The following RARS1 variants were observed in gnomAD, a reference collection of about 807,000 sequenced individuals.
RARS1 encodes the protein arginyl-tRNA synthetase 1, also known as arginine--tRNA ligase, cytoplasmic.
A neutral mutation model predicts 78.7 loss-of-function variants in RARS1; 75 were observed. The ratio of observed to expected loss-of-function variants is 0.95; its 90% confidence interval spans 0.79 to 1.15. The LOEUF is 1.15. Among genes scored for constraint, RARS1 ranks in the 50% most tolerant of loss-of-function variants. The pLI is 0.00. For synonymous variants in RARS1, 273 were observed against 268.2 expected (o/e 1.02, Z -0.18); for missense variants, 787 against 787.5 (o/e 1.00, Z 0.01).
At chr5:168,491,613 T>TTGAATCTGGCC (rs1383000282) in intron 2 of RARS1, among the ~76,000 whole-genome samples, 1 of 152,346 alleles carries the variant, frequency 6.6e-6, no homozygotes, top group East Asian at 1.9e-4. Context: ...AGACCTGAGT[T>TTGAATCTGGCC]TGAATCTGGC....
chr5:168,511,048 G>A (rs1758554311), intron 12 of RARS1, among the ~76,000 whole-genome samples: 1 of 152,156 alleles, frequency 6.6e-6, no homozygotes, highest in Non-Finnish European at 1.5e-5. Context: ...AGCATTTGTA[G>A]AGTGGTCATA....
chr5:168,495,184 G>C, intron 5 of RARS1, 131 bp from the exon 6 acceptor site: 3 of 1,400,724 alleles, frequency 2.1e-6, no homozygotes, highest in Non-Finnish European at 2.8e-6. Flanking sequence ...TAATGTTTAA[G>C]TCTGAGTTTG....
In RARS1 at chr5:168,486,537, G is replaced by A. The variant is rs1336952127; in HGVS notation, c.39G>A (p.Leu13=). 6.4e-7 allele frequency: 1 copy of A among 1,557,800 alleles called. No individual in the cohort carries two copies. Among genetic ancestry groups the A allele is most frequent in the African/African-American group, 1.4e-5 (1 of 73,946 alleles). Residue 13 remains leucine (L), a synonymous_variant, in exon 1 of 15, where the codon CTG becomes CTA. Transcript: ENST00000231572. ...TGTCTGAGTGCTCCGCGCGGCTGCT[G>A]CAGCAGGTTTGGACGCAGGAGACCG... ...VLVSECSARL[L]QQEEEIKSLT... is the part of the protein sequence containing the mutation.
intron 11 of RARS1, 112 bp downstream of exon 11, chr5:168,506,943 A>G (rs1758461076): frequency 1.2e-6 from 1 of 851,172 alleles, no homozygotes; most frequent in Non-Finnish European, 1.9e-6. Flanking sequence ...TAGTCCACAT[A>G]AGCTATAATG....
In RARS1 at chr5:168,500,627, A is replaced by G. The variant is rs1358042621; in HGVS notation, c.859A>G (p.Lys287Glu). 6.3e-7 allele frequency: 1 copy of G among 1,598,430 alleles called. No individual in the cohort carries two copies. Among genetic ancestry groups the G allele is most frequent in the Middle Eastern group, 1.7e-4 (1 of 5,974 alleles). ...GAGGTTTGATACTGAGGAGGAATTTAAGAAGCGAGCATATCAGTGTGTAGT... is the reference window on the plus strand; with the variant it reads ...GAGGTTTGATACTGAGGAGGAATTTGAGAAGCGAGCATATCAGTGTGTAGT... The part of the protein sequence containing the change: ...KKRFDTEEEF[K>E]KRAYQCVVLL... Residue 287 changes from lysine to glutamate, a missense_variant, in exon 8 of 15, where the codon AAG becomes GAG. Coordinates refer to ENST00000231572, the MANE Select transcript of RARS1 (RefSeq NM_002887.4).
chr5:168,518,069 G>GTTTTTTTT lies in RARS1; in HGVS notation c.1873+8_1873+9insTTTTTTTT, dbSNP rs772589730. ...GAGAAAGATAGACAGACTGGTGAGTGTCTTTTTTTTTTTTTTTTTTTTTTT... is the reference window on the plus strand; with the variant it reads ...GAGAAAGATAGACAGACTGGTGAGTGTTTTTTTTTCTTTTTTTTTTTTTTTTTTTTTTT... On this transcript the variant is annotated splice_region_variant and intron_variant, in intron 14 of 14. Coordinates refer to ENST00000231572, the MANE Select transcript of RARS1 (RefSeq NM_002887.4). The GTTTTTTTT allele has an allele frequency of 5.2e-5, 35 of 675,838 alleles. No homozygotes were observed. Among genetic ancestry groups the GTTTTTTTT allele is most frequent in the Admixed American group, 2.2e-4 (3 of 13,364 alleles). The allele number at this position is 675,838 out of a possible 1,614,324, so 41.9% of individuals were successfully genotyped here.
At chr5:168,514,673 A>G (rs1234337959) in intron 12 of RARS1, among the ~76,000 whole-genome samples, 1 of 152,192 alleles carries the variant, frequency 6.6e-6, no homozygotes, top group Non-Finnish European at 1.5e-5. Context: ...AAAATCAGGA[A>G]ATTAACATTG....
intron 1 of RARS1, 70 bp downstream of exon 1, chr5:168,486,613 C>T: frequency 6.6e-7 from 1 of 1,514,692 alleles, no homozygotes; most frequent in Non-Finnish European, 8.9e-7. Context: ...GCCCAAGCGG[C>T]TTCGGGGGCG....
intron 2 of RARS1, among the ~76,000 whole-genome samples, chr5:168,489,305 C>T (rs768453913): frequency 1.3e-5 from 2 of 152,092 alleles, no homozygotes; most frequent in African/African-American, 2.4e-5. Context: ...ACAAGTATAA[C>T]CTACTGCACC....
At chr5:168,490,050 G>A (rs1758049886) in intron 2 of RARS1, among the ~76,000 whole-genome samples, 1 of 152,178 alleles carries the variant, frequency 6.6e-6, no homozygotes, top group South Asian at 2.1e-4. Flanking sequence ...CTGACCTCAG[G>A]TGATCTGCCT....
At chr5:168,496,873 T>C (rs1427993927) in intron 6 of RARS1, 1 of 170,448 alleles carries the variant, frequency 5.9e-6, no homozygotes, top group Non-Finnish European at 1.2e-5. Context: ...TGTTAAATTT[T>C]CATAAAATTG....
At position 168,488,224 on chromosome 5, in the gene RARS1, T is replaced by C. The variant is rs533422824; in HGVS notation, c.46-378T>C. ...CTCACCGCAACCTCAGCCTCTGGGATTCAGGCAATTCTCCTGCCTCAGCCT... is the reference window on the plus strand; with the variant it reads ...CTCACCGCAACCTCAGCCTCTGGGACTCAGGCAATTCTCCTGCCTCAGCCT... On this transcript the variant is annotated intron_variant, in intron 1 of 14. Coordinates refer to ENST00000231572, the MANE Select transcript of RARS1 (RefSeq NM_002887.4). 5.5e-4 allele frequency: 207 copies of C among 376,646 alleles called. 4 individuals carry two copies. Among genetic ancestry groups the C allele is most frequent in the South Asian group, 3.8e-3 (198 of 52,478 alleles). 23.3% of individuals were successfully genotyped at this position (376,646 alleles called of 1,614,324 possible).
At chr5:168,513,286 G>T (rs561801893) in intron 12 of RARS1, among the ~76,000 whole-genome samples, 9 of 143,394 alleles carry the variant, frequency 6.3e-5, no homozygotes, top group African/African-American at 1.8e-4. Flanking sequence ...TCTCAATCTC[G>T]TGACCTCGTG....
intron 13 of RARS1, among the ~76,000 whole-genome samples, chr5:168,517,576 CTA>C (rs1488499786): frequency 6.6e-6 from 1 of 152,160 alleles, no homozygotes; most frequent in Admixed American, 6.5e-5. Context: ...TCTAGATGCT[CTA>C]TGTTTAAATA....
intron 12 of RARS1, among the ~76,000 whole-genome samples, chr5:168,512,219 T>A (rs1047473274): frequency 1.3e-5 from 2 of 152,222 alleles, no homozygotes; most frequent in Non-Finnish European, 2.9e-5. Flanking sequence ...GTTTATCCAT[T>A]CTCCTATTGA....
chr5:168,506,898 A>G (rs1219184896), intron 11 of RARS1, 67 bp downstream of exon 11: 1 of 1,253,470 alleles, frequency 8.0e-7, no homozygotes, highest in Admixed American at 1.8e-5. Flanking sequence ...TTCATTTGAT[A>G]CCATATTAGA....
At chr5:168,512,496 T>C (rs1044442493) in intron 12 of RARS1, among the ~76,000 whole-genome samples, 1 of 152,118 alleles carries the variant, frequency 6.6e-6, no homozygotes, top group African/African-American at 2.4e-5. Flanking sequence ...TAGTCAGGGT[T>C]CTCTAGAGGG....
chr5:168,486,702 A>G (rs1247525541), intron 1 of RARS1, among the ~76,000 whole-genome samples, 159 bp downstream of exon 1: 1 of 152,038 alleles, frequency 6.6e-6, no homozygotes, highest in Non-Finnish European at 1.5e-5. Context: ...GGGTTGAGAG[A>G]GGAAGCACCC....
intron 12 of RARS1, among the ~76,000 whole-genome samples, chr5:168,516,562 A>G (rs911236998): frequency 3.3e-5 from 5 of 152,234 alleles, no homozygotes; most frequent in African/African-American, 1.2e-4. Context: ...TCAGTTTCTC[A>G]TAGACACATT....
Sources: gnomAD v4.1 joint callset for allele counts (sites outside exome capture counted in the v4.1 genomes callset) on GRCh38, gnomAD v4.1.1 for gene constraint, MANE v1.5 for transcripts, NCBI Gene and HGNC (gene_info 2026-07-23, HGNC 2026-07-21) for gene names.